MCM5: variants seen among roughly 807,000 people sequenced by gnomAD.
MCM5 encodes the protein minichromosome maintenance complex component 5.
MCM5 carries 46 observed loss-of-function variants against 79.9 expected under a neutral mutation model. The ratio of observed to expected loss-of-function variants is 0.58; its 90% CI spans 0.45 to 0.74. The LOEUF (loss-of-function observed/expected upper bound fraction) is 0.74, where lower values mean the gene tolerates loss of function less well. Ranked by LOEUF, MCM5 falls within the 30% of genes least tolerant of loss-of-function variation. The pLI is 0.00. For synonymous variants in MCM5, 404 were observed against 390.5 expected (o/e 1.03, Z -0.41); for missense variants, 883 against 1,017.0 (o/e 0.87, Z 1.79).
At chr22:35,400,664 C>T (rs891935723) in intron 2 of MCM5, 59 bp downstream of exon 2, 2 of 1,491,042 alleles carry the variant, frequency 1.3e-6, no homozygotes, top group Non-Finnish European at 8.9e-7. Flanking sequence ...CACGCCTCTA[C>T]CAGCCTGCTA....
the MCM5 span, among the ~76,000 whole-genome samples, chr22:35,433,499 C>T: frequency 3.3e-5 from 5 of 152,224 alleles, no homozygotes; most frequent in African/African-American, 7.2e-5. Context: ...TAGTCCAATG[C>T]TCCTCTCCTA....
chr22:35,433,830 T>A, the MCM5 span, among the ~76,000 whole-genome samples: 1 of 152,074 alleles, frequency 6.6e-6, no homozygotes, highest in African/African-American at 2.4e-5. Flanking sequence ...GAGCCTGTGG[T>A]GAGGTCCTTC....
intron 16 of MCM5, 126 bp from the exon 17 acceptor site, chr22:35,424,028 G>A: frequency 1.6e-6 from 1 of 619,548 alleles, no homozygotes. Flanking sequence ...TGGGCACTCA[G>A]GAAGTGTGGG....
rs779554965 is a variant in MCM5, at chr22:35,416,640, T to G, written c.1416T>G (p.Ala472=). 1.2e-6 allele frequency: 2 copies of G among 1,612,900 alleles called. No homozygotes were observed. The highest frequency in any genetic ancestry group is 1.1e-5 in the South Asian group (1 of 91,066). The stretch of plus-strand genomic sequence containing the variant: ...TTTCGTCGTCTGTCGCCTGTTAGGC[T>G]GGGATCACCACCACCCTGAACTCCC... ...MEQQTISIAK[A]GITTTLNSRC... is the part of the protein sequence containing the mutation. The change falls in exon 12 of 17, where the codon GCT becomes GCG. Residue 472 remains alanine (A), a splice_region_variant and synonymous_variant. Coordinates refer to ENST00000216122, the MANE Select transcript of MCM5 (RefSeq NM_006739.4).
chr22:35,415,818 C>T lies in MCM5; in HGVS notation c.1204-11C>T, dbSNP rs1344573807. The T allele has an allele frequency of 6.2e-7, 1 of 1,608,108 alleles. No individual in the cohort carries two copies. On this transcript the variant is annotated splice_polypyrimidine_tract_variant and intron_variant, in intron 9 of 16. Transcript: ENST00000216122. ...TTGTTATTGGGCCCTGACACCACCC[C>T]ACTGCCCCAGGTATACACGTCTGGG...
In MCM5 at chr22:35,421,478, C is replaced by T. The variant is rs147492523; in HGVS notation, c.1975+18C>T. 3 of 1,613,788 alleles carry T rather than the reference C, an allele frequency of 1.9e-6. No individual in the cohort carries two copies. The highest frequency in any genetic ancestry group is 2.5e-6 in the Non-Finnish European group (3 of 1,180,028). On this transcript the variant is annotated intron_variant, in intron 15 of 16. Coordinates refer to ENST00000216122, the MANE Select transcript of MCM5 (RefSeq NM_006739.4). The stretch of plus-strand genomic sequence containing the variant: ...CCTGTCAGGTGAGCAGATGCAGGGG[C>T]CATGGTCTCAATTGATCTGGGTTCC...
downstream of MCM5, among the ~76,000 whole-genome samples, chr22:35,430,403 G>A (rs962336010): frequency 2.0e-5 from 3 of 152,160 alleles, no homozygotes; most frequent in Admixed American, 1.3e-4. Flanking sequence ...GGGCAGGAGT[G>A]CCTGTAGTTA....
chr22:35,430,233 C>T (rs895637620), downstream of MCM5, among the ~76,000 whole-genome samples: 3 of 152,238 alleles, frequency 2.0e-5, no homozygotes, highest in Non-Finnish European at 4.4e-5. Context: ...AATGCCACCA[C>T]TTCCAGCTGT....
intron 14 of MCM5, 148 bp from the exon 15 acceptor site, chr22:35,421,170 G>T: frequency 1.8e-6 from 1 of 570,846 alleles, no homozygotes; most frequent in Non-Finnish European, 3.0e-6. Flanking sequence ...CTATGACTAA[G>T]ATCAAAAGGG....
At chr22:35,418,821 A>G (rs1932618883) in intron 13 of MCM5, among the ~76,000 whole-genome samples, 2 of 152,144 alleles carry the variant, frequency 1.3e-5, no homozygotes, top group Admixed American at 1.3e-4. Context: ...AAGGTGTGCT[A>G]TTATTCCCTT....
In MCM5 at chr22:35,424,461, T is replaced by A; in HGVS notation, c.*206T>A. 2.0e-6 allele frequency: 1 copy of A among 507,040 alleles called. No homozygotes were observed. The highest frequency in any genetic ancestry group is 3.5e-6 in the Non-Finnish European group (1 of 287,416). The allele number at this position is 507,040 out of a possible 1,614,324, so 31.4% of individuals were successfully genotyped here. ...TCTAGCGCGGTTCTGGGAAGTGTGC[T>A]TTTGGCATCCGTTAATAATAAAGCC... On this transcript the variant is annotated 3_prime_UTR_variant, in exon 17 of 17. Transcript: ENST00000216122.
chr22:35,403,065 A>C (rs895331143), intron 2 of MCM5, 142 bp from the exon 3 acceptor site: 29 of 962,064 alleles, frequency 3.0e-5, no homozygotes, highest in Non-Finnish European at 4.5e-5. Flanking sequence ...ATCTGGAATT[A>C]GATGTGTGTT....
chr22:35,406,529 A>T, intron 4 of MCM5, 24 bp from the exon 5 acceptor site: 1 of 1,601,652 alleles, frequency 6.2e-7, no homozygotes, highest in Non-Finnish European at 8.5e-7. Flanking sequence ...TTAACCAACA[A>T]GCTTCCCGAT....
At chr22:35,432,759 TG>T in the MCM5 span, among the ~76,000 whole-genome samples, 7 of 148,952 alleles carry the variant, frequency 4.7e-5, no homozygotes, top group Non-Finnish European at 7.5e-5. Flanking sequence ...TGGAGGGGGT[TG>T]GGGATTGGGG....
At position 35,416,912 on chromosome 22, in the gene MCM5, A is replaced by G. The variant is rs142676326; in HGVS notation, c.1590+98A>G. 1,285 of 1,389,298 alleles carry G rather than the reference A, an allele frequency of 9.2e-4. 16 individuals are homozygous for G. The African/African-American group carries it at 0.013, about 14-fold the overall frequency. 86.1% of individuals were successfully genotyped at this position (1,389,298 alleles called of 1,614,324 possible). On this transcript the variant is annotated intron_variant, in intron 12 of 16. Transcript: ENST00000216122. Reference sequence around the variant, plus strand: ...ATGGAGAACAAGGGCCTTGGCTGGCAAAGTCCTGACTGTCAGGCTGTGAAA... The same window carrying G: ...ATGGAGAACAAGGGCCTTGGCTGGCGAAGTCCTGACTGTCAGGCTGTGAAA...
At chr22:35,433,266 A>G in the MCM5 span, among the ~76,000 whole-genome samples, 1 of 151,896 alleles carries the variant, frequency 6.6e-6, no homozygotes, top group Non-Finnish European at 1.5e-5. Context: ...TAGAACTTCA[A>G]CCCTTGGAGC....
At chr22:35,419,594 TA>T (rs1932641667) in intron 13 of MCM5, among the ~76,000 whole-genome samples, 1 of 152,230 alleles carries the variant, frequency 6.6e-6, no homozygotes, top group African/African-American at 2.4e-5. Flanking sequence ...ACACAGCGTC[TA>T]ACAGTGGGGA....
At chr22:35,431,173 A>G in the MCM5 span, among the ~76,000 whole-genome samples, 2 of 152,220 alleles carry the variant, frequency 1.3e-5, no homozygotes, top group African/African-American at 4.8e-5. Context: ...GGTTCTGGGC[A>G]TTCACCACTG....
At chr22:35,405,406 G>A (rs991654479) in intron 4 of MCM5, among the ~76,000 whole-genome samples, 3 of 151,732 alleles carry the variant, frequency 2.0e-5, no homozygotes, top group African/African-American at 7.3e-5. Flanking sequence ...TGACTCTGTC[G>A]CCCAGGATGG....
Sources: allele counts gnomAD v4.1 joint callset (sites outside exome capture counted in the v4.1 genomes callset), GRCh38; gene constraint gnomAD v4.1.1; transcripts MANE v1.5; gene names NCBI Gene and HGNC (gene_info 2026-07-23, HGNC 2026-07-21).